Variants in BMP6 observed in about 807,000 individuals in gnomAD.
BMP6 encodes VG-1-R.
In BMP6, 17 loss-of-function variants were observed where a neutral mutation model predicts 54.1. That is an observed-to-expected ratio of 0.31 (90% CI 0.22 to 0.47). The LOEUF is 0.47. Ranked by LOEUF, BMP6 falls within the 20% of genes least tolerant of loss-of-function variation. The pLI, the probability that BMP6 is intolerant of heterozygous loss-of-function variation, is 1.00. For missense variants in BMP6, 720 were observed against 690.4 expected, an observed-to-expected ratio of 1.04 and a Z score of -0.48; for synonymous variants, 328 against 291.2, an observed-to-expected ratio of 1.13 and a Z score of -1.28.
intron 1 of BMP6, among the ~76,000 whole-genome samples, chr6:7,739,911 A>G (rs1243339986): frequency 6.6e-6 from 1 of 152,086 alleles, no homozygotes; most frequent in Admixed American, 6.6e-5. Context: ...CTTAGTTTCT[A>G]CAACACTGCC....
chr6:7,763,953 G>C (rs950676983), intron 1 of BMP6, among the ~76,000 whole-genome samples: 1 of 152,154 alleles, frequency 6.6e-6, no homozygotes, highest in Non-Finnish European at 1.5e-5. Flanking sequence ...TGGATCAAGC[G>C]TATGTGTCCT....
chr6:7,858,895 G>C (rs1759290437), intron 2 of BMP6, among the ~76,000 whole-genome samples: 1 of 151,420 alleles, frequency 6.6e-6, no homozygotes, highest in Admixed American at 6.6e-5. Flanking sequence ...GACTGCACTT[G>C]TTGACCTCAC....
Position 7,881,279 on chromosome 6 carries a change from T to C in BMP6, c.*936T>C, listed in dbSNP as rs899604918. Reference sequence around the variant, plus strand: ...GTGTTAGGGGGATGAGCATGCTGTTTATGAACGGAAATCATGATTTCCCTT... The same window carrying C: ...GTGTTAGGGGGATGAGCATGCTGTTCATGAACGGAAATCATGATTTCCCTT... On this transcript the variant is annotated 3_prime_UTR_variant, in exon 7 of 7. Coordinates refer to ENST00000283147, the MANE Select transcript of BMP6 (RefSeq NM_001718.6). 4 of 152,668 alleles carry C rather than the reference T, an allele frequency of 2.6e-5. No individual in the cohort carries two copies. The highest frequency in any genetic ancestry group is 4.4e-5 in the Non-Finnish European group (3 of 68,036). The allele number at this position is 152,668 out of a possible 1,614,324, so 9.5% of individuals were successfully genotyped here. A position where few individuals can be genotyped will look rare whatever the true frequency, so the allele number is the denominator to read the frequency against.
At chr6:7,761,540 G>A (rs532354812) in intron 1 of BMP6, among the ~76,000 whole-genome samples, 1 of 152,324 alleles carries the variant, frequency 6.6e-6, no homozygotes, top group East Asian at 1.9e-4. Context: ...TGCAGCCCTG[G>A]AGCCAACAGG....
Position 7,727,158 on chromosome 6 carries a change from A to G in BMP6, c.203A>G (p.Tyr68Cys). Residue 68 changes from tyrosine to cysteine, a missense_variant, in exon 1 of 7, where the codon TAC becomes TGC. Tyr to Cys is a radical substitution (Grantham distance 194). Transcript: ENST00000283147. The stretch of plus-strand genomic sequence containing the variant: ...CCGCAGTCCTCCTCGGGCTTCCTGT[A>G]CCGGCGGCTCAAGACGCAGGAGAAG... ...PSPQSSSGFL[Y>C]RRLKTQEKRE... 6.3e-7 allele frequency: 1 copy of G among 1,586,936 alleles called. No individual in the cohort carries two copies. The highest frequency in any genetic ancestry group is 8.6e-7 in the Non-Finnish European group (1 of 1,168,166).
At chr6:7,855,312 A>G (rs1208379777) in intron 2 of BMP6, among the ~76,000 whole-genome samples, 1 of 152,190 alleles carries the variant, frequency 6.6e-6, no homozygotes, top group Non-Finnish European at 1.5e-5. Flanking sequence ...GGAACCTGTT[A>G]GAAATGCAGA....
chr6:7,781,145 T>C (rs1047890004), intron 1 of BMP6, among the ~76,000 whole-genome samples: 3 of 152,360 alleles, frequency 2.0e-5, no homozygotes, highest in South Asian at 4.1e-4. Context: ...TTCCCTCTTA[T>C]TGAATATTTA....
intron 2 of BMP6, among the ~76,000 whole-genome samples, chr6:7,860,484 A>G (rs1759316827): frequency 6.6e-6 from 1 of 152,148 alleles, no homozygotes. Context: ...CCTGGCACTG[A>G]CCTATCATAA....
At chr6:7,739,743 G>C (rs1331098192) in intron 1 of BMP6, among the ~76,000 whole-genome samples, 1 of 152,104 alleles carries the variant, frequency 6.6e-6, no homozygotes, top group Non-Finnish European at 1.5e-5. Context: ...CTGCCCTTGT[G>C]GTCTGACTTC....
intron 2 of BMP6, among the ~76,000 whole-genome samples, chr6:7,859,227 A>G (rs34119027): frequency 0.036 from 5,513 of 151,826 alleles, 107 homozygotes; most frequent in African/African-American, 0.047. Context: ...CATTCCCCAC[A>G]TTCTCTTGGA....
intron 1 of BMP6, among the ~76,000 whole-genome samples, chr6:7,807,420 A>G (rs1758362520): frequency 6.6e-6 from 1 of 152,114 alleles, no homozygotes; most frequent in African/African-American, 2.4e-5. Flanking sequence ...CAGCCTCCAG[A>G]GTAGCACAGG....
At chr6:7,837,897 A>G (rs1183802569) in intron 1 of BMP6, among the ~76,000 whole-genome samples, 1 of 152,230 alleles carries the variant, frequency 6.6e-6, no homozygotes, top group Non-Finnish European at 1.5e-5. Flanking sequence ...CAATATTTCT[A>G]TGTTTAAAGG....
chr6:7,852,186 T>C (rs1210524196), intron 2 of BMP6, among the ~76,000 whole-genome samples: 2 of 152,256 alleles, frequency 1.3e-5, no homozygotes, highest in Non-Finnish European at 2.9e-5. Flanking sequence ...ATCACCTTTT[T>C]CTTTTTGTTC....
rs1183580984 is a variant in BMP6, at chr6:7,845,152, A to G, written c.677A>G (p.Lys226Arg). Residue 226 changes from lysine (K) to arginine (R), a missense_variant, in exon 2 of 7, where the codon AAG becomes AGG. Around this residue, in one of 3 missense-constraint regions of BMP6, gnomAD observed 650 missense variants for 556.3 expected, o/e 1.17. Transcript: ENST00000283147. ...MSFVNLVEYD[K>R]EFSPRQRHHK... is the part of the protein sequence containing the mutation. Reference sequence around the variant, plus strand: ...TTTAATCTTATAGTGGAGTACGACAAGGAGTTCTCCCCTCGTCAGCGACAC... The same window carrying G: ...TTTAATCTTATAGTGGAGTACGACAGGGAGTTCTCCCCTCGTCAGCGACAC... 2.5e-6 allele frequency: 4 copies of G among 1,613,590 alleles called. No homozygotes were observed. Among genetic ancestry groups the G allele is most frequent in the Non-Finnish European group, 3.4e-6 (4 of 1,179,620 alleles).
At chr6:7,857,793 A>G (rs994020593) in intron 2 of BMP6, among the ~76,000 whole-genome samples, 8 of 152,242 alleles carry the variant, frequency 5.3e-5, no homozygotes, top group Admixed American at 5.2e-4. Flanking sequence ...TGTCATCAAC[A>G]GCATCTCTTC....
chr6:7,821,228 CCA>C (rs1163992705), intron 1 of BMP6, among the ~76,000 whole-genome samples: 1 of 152,170 alleles, frequency 6.6e-6, no homozygotes, highest in African/African-American at 2.4e-5. Context: ...GCAGTTTGAC[CCA>C]AGAACTGTGG....
intron 1 of BMP6, among the ~76,000 whole-genome samples, chr6:7,813,659 A>C (rs1465773244): frequency 6.9e-6 from 1 of 144,984 alleles, no homozygotes; most frequent in East Asian, 2.0e-4. Context: ...AAAAAAAAAA[A>C]AAAAAAAAAA....
At chr6:7,853,932 G>GCCAT (rs1424610690) in intron 2 of BMP6, among the ~76,000 whole-genome samples, 1 of 151,254 alleles carries the variant, frequency 6.6e-6, no homozygotes, top group Non-Finnish European at 1.5e-5. Context: ...TGCTCAAGGA[G>GCCAT]CCATCAGACC....
intron 1 of BMP6, among the ~76,000 whole-genome samples, chr6:7,786,460 G>GTTTTTTT (rs35750746): frequency 7.4e-6 from 1 of 135,150 alleles, no homozygotes; most frequent in Non-Finnish European, 1.6e-5. Flanking sequence ...TCTTTAGTCT[G>GTTTTTTT]TTTTTTTTTT....
Sources: gnomAD v4.1 joint callset for allele counts (sites outside exome capture counted in the v4.1 genomes callset) on GRCh38, gnomAD v4.1.1 for gene constraint, gnomAD v4.1.1 regional missense constraint, MANE v1.5 for transcripts, NCBI Gene and HGNC (gene_info 2026-07-23, HGNC 2026-07-21) for gene names.